Variants in ADAM32 observed in about 807,000 individuals in gnomAD.
ADAM32 encodes the protein ADAM metallopeptidase domain 32.
ADAM32 carries 89 observed loss-of-function variants against 114.9 expected under a neutral mutation model. The ratio of observed to expected loss-of-function variants is 0.77; its 90% CI spans 0.65 to 0.92. The LOEUF is 0.92. ADAM32 is among the 40% of genes least tolerant of loss of function. The probability of loss-of-function intolerance (pLI) is 0.00; values close to 1 mark genes in which losing one functional copy is unlikely to be tolerated. For synonymous variants in ADAM32, 285 were observed against 307.5 expected, an observed-to-expected ratio of 0.93 and a Z score of 0.77; for missense variants, 870 against 932.8, an observed-to-expected ratio of 0.93 and a Z score of 0.88.
chr8:39,223,342 T>C (rs565185477), intron 14 of ADAM32, 104 bp downstream of exon 14: 632 of 660,706 alleles, frequency 9.6e-4, no homozygotes, highest in Non-Finnish European at 1.2e-3. Flanking sequence ...ATGTTTTATA[T>C]AGTATAAAAT....
Position 39,128,349 on chromosome 8 carries a change from C to T in ADAM32, c.139-8308C>T, listed in dbSNP as rs181285575. Reference sequence around the variant, plus strand: ...AGAAACTAGGTTTGTAACCTCTGCTCTTTTCTGTTTTCTATTTGCTTGGTA... The same window carrying T: ...AGAAACTAGGTTTGTAACCTCTGCTTTTTTCTGTTTTCTATTTGCTTGGTA... On this transcript the variant is annotated intron_variant, in intron 2 of 24. Coordinates refer to ENST00000379907, the MANE Select transcript of ADAM32 (RefSeq NM_145004.7). 9.5e-4 allele frequency among the ~76,000 whole-genome samples: 145 copies of T among 152,044 alleles called. 1 individual carries two copies. Among genetic ancestry groups the T allele is most frequent in the African/African-American group, 3.3e-3 (137 of 41,520 alleles).
chr8:39,126,808 T>A (rs1452149830), intron 2 of ADAM32, among the ~76,000 whole-genome samples: 1 of 152,226 alleles, frequency 6.6e-6, no homozygotes, highest in Non-Finnish European at 1.5e-5. Context: ...TGTGGGTTTG[T>A]CATATATGGC....
At chr8:39,145,255 A>G (rs1403824707) in intron 3 of ADAM32, among the ~76,000 whole-genome samples, 1 of 152,146 alleles carries the variant, frequency 6.6e-6, no homozygotes, top group Non-Finnish European at 1.5e-5. Context: ...ATTCAACGCA[A>G]TCCCTACCAA....
chr8:39,179,455 C>T (rs1301262052), intron 10 of ADAM32, among the ~76,000 whole-genome samples: 1 of 152,192 alleles, frequency 6.6e-6, no homozygotes, highest in African/African-American at 2.4e-5. Flanking sequence ...GAATGGATCT[C>T]CCGCCTGGCA....
chr8:39,256,211 C>A (rs578020659), intron 18 of ADAM32, among the ~76,000 whole-genome samples: 1 of 152,030 alleles, frequency 6.6e-6, no homozygotes, highest in South Asian at 2.1e-4. Context: ...TCATAATTCA[C>A]GCTGAATACC....
intron 19 of ADAM32, among the ~76,000 whole-genome samples, chr8:39,257,982 C>A (rs1811763570): frequency 6.6e-6 from 1 of 152,060 alleles, no homozygotes; most frequent in Non-Finnish European, 1.5e-5. Context: ...GATGTCTACA[C>A]TGAATGTTTG....
intron 11 of ADAM32, among the ~76,000 whole-genome samples, chr8:39,210,158 G>C (rs1478585004): frequency 6.6e-6 from 1 of 152,122 alleles, no homozygotes; most frequent in Admixed American, 6.5e-5. Flanking sequence ...CTGGAATCAG[G>C]GACCATGGGG....
chr8:39,230,852 A>G (rs1013104194), intron 14 of ADAM32, among the ~76,000 whole-genome samples: 1 of 152,206 alleles, frequency 6.6e-6, no homozygotes, highest in Non-Finnish European at 1.5e-5. Flanking sequence ...CTAAATAGCC[A>G]TAATATTAAT....
At chr8:39,205,585 C>T (rs1298511872) in intron 11 of ADAM32, among the ~76,000 whole-genome samples, 10 of 152,196 alleles carry the variant, frequency 6.6e-5, no homozygotes, top group African/African-American at 2.2e-4. Context: ...GAGGTGGTAC[C>T]TTGCCCTGCT....
At chr8:39,252,515 T>TAGAAA (rs1811370162) in intron 17 of ADAM32, among the ~76,000 whole-genome samples, 1 of 151,472 alleles carries the variant, frequency 6.6e-6, no homozygotes, top group Admixed American at 6.6e-5. Flanking sequence ...ATTCTAACTT[T>TAGAAA]ACACCTCAAG....
At chr8:39,129,140 G>C (rs75242186) in intron 2 of ADAM32, among the ~76,000 whole-genome samples, 6 of 93,368 alleles carry the variant, frequency 6.4e-5, no homozygotes, top group Non-Finnish European at 1.3e-4. Flanking sequence ...TTTTTTTTTT[G>C]TGGATTCTTT....
chr8:39,189,819 A>ATGGAGTCTCGCTCTGTTGCCCAGGC (rs1554610938), intron 11 of ADAM32, among the ~76,000 whole-genome samples: 2 of 150,412 alleles, frequency 1.3e-5, no homozygotes, highest in Non-Finnish European at 3.0e-5. Flanking sequence ...TTTTTTTGAG[A>ATGGAGTCTCGCTCTGTTGCCCAGGC]TGGAGTCTCG....
chr8:39,218,425 C>G (rs1216278305), intron 12 of ADAM32, among the ~76,000 whole-genome samples: 1 of 152,146 alleles, frequency 6.6e-6, no homozygotes, highest in Non-Finnish European at 1.5e-5. Flanking sequence ...GTGGCAAAGC[C>G]AACCAGGCTT....
chr8:39,270,029 T>C (rs1017310622), intron 19 of ADAM32, among the ~76,000 whole-genome samples: 1 of 151,796 alleles, frequency 6.6e-6, no homozygotes, highest in Non-Finnish European at 1.5e-5. Flanking sequence ...TGAGAACTCA[T>C]TCACTATCAC....
chr8:39,261,723 T>A (rs1359836369), intron 19 of ADAM32, among the ~76,000 whole-genome samples: 1 of 152,174 alleles, frequency 6.6e-6, no homozygotes, highest in Non-Finnish European at 1.5e-5. Context: ...TTTTTTTTTG[T>A]CTTTTTGATA....
chr8:39,157,052 T>C (rs1356370231), intron 6 of ADAM32, among the ~76,000 whole-genome samples: 1 of 152,202 alleles, frequency 6.6e-6, no homozygotes, highest in Non-Finnish European at 1.5e-5. Flanking sequence ...AAGGATAGTT[T>C]TGTCAGATAT....
chr8:39,122,003 G>T (rs769132251), intron 2 of ADAM32, among the ~76,000 whole-genome samples: 1 of 152,122 alleles, frequency 6.6e-6, no homozygotes, highest in Non-Finnish European at 1.5e-5. Context: ...TGTTGGCATG[G>T]GAATAGCTAT....
intron 2 of ADAM32, among the ~76,000 whole-genome samples, chr8:39,120,917 A>G (rs1222021826): frequency 5.9e-5 from 9 of 152,108 alleles, no homozygotes; most frequent in Admixed American, 6.6e-5. Flanking sequence ...ATTGTGGGGG[A>G]AAACCTTGGG....
intron 19 of ADAM32, among the ~76,000 whole-genome samples, chr8:39,268,603 A>C (rs1008791613): frequency 5.3e-5 from 8 of 152,200 alleles, no homozygotes; most frequent in Non-Finnish European, 1.0e-4. Flanking sequence ...GTTTAATAAA[A>C]CCAGTGTATC....
Sources: allele counts gnomAD v4.1 joint callset (sites outside exome capture counted in the v4.1 genomes callset), GRCh38; gene constraint gnomAD v4.1.1; transcripts MANE v1.5; gene names NCBI Gene and HGNC (gene_info 2026-07-23, HGNC 2026-07-21).